The following PLXNA2 variants were observed in gnomAD, a reference collection of about 807,000 sequenced individuals.
The protein encoded by PLXNA2 is plexin-A2.
PLXNA2 carries 91 observed loss-of-function variants against 193.5 expected under a neutral mutation model. The observed-to-expected ratio is 0.47, with a 90% CI of 0.40 to 0.56. PLXNA2 has a LOEUF of 0.56. Among genes scored for constraint, PLXNA2 ranks in the 20% least tolerant of loss-of-function variants. PLXNA2 has a pLI of 0.00. For synonymous variants in PLXNA2, 997 were observed against 1,027.3 expected (o/e 0.97, Z 0.56); for missense variants, 1,995 against 2,503.2 (o/e 0.80, Z 4.33).
chr1:208,099,066 G>A, intron 5 of PLXNA2, 97 bp from the exon 6 acceptor site: 1 of 1,456,776 alleles, frequency 6.9e-7, no homozygotes, highest in Non-Finnish European at 9.3e-7. Flanking sequence ...CTGCCCTGAG[G>A]CCTGTGTCCT....
At chr1:208,066,068 T>C (rs1665786863) in intron 12 of PLXNA2, among the ~76,000 whole-genome samples, 1 of 151,648 alleles carries the variant, frequency 6.6e-6, no homozygotes, top group African/African-American at 2.4e-5. Flanking sequence ...GTGTGTGTGG[T>C]GGGGATGTGG....
chr1:208,030,245 C>T (rs1424008059), intron 29 of PLXNA2: 8 of 985,392 alleles, frequency 8.1e-6, no homozygotes, highest in Non-Finnish European at 9.6e-6. Flanking sequence ...GTAATCTTTC[C>T]CTGGACATTT....
At chr1:208,084,641 G>C in intron 9 of PLXNA2, 61 bp from the exon 10 acceptor site, 10 of 1,494,374 alleles carry the variant, frequency 6.7e-6, no homozygotes, top group East Asian at 2.3e-5. Flanking sequence ...ATGTGCCTGG[G>C]ACAGGCAGGC....
At chr1:208,095,123 CCTTGCTG>C (rs1666839338) in intron 8 of PLXNA2, among the ~76,000 whole-genome samples, 2 of 152,186 alleles carry the variant, frequency 1.3e-5, no homozygotes, top group Non-Finnish European at 2.9e-5. Flanking sequence ...TGACCTCTCC[CCTTGCTG>C]AATGTCTAGG....
chr1:208,138,412 T>C (rs1012701740), intron 4 of PLXNA2, among the ~76,000 whole-genome samples: 4 of 152,226 alleles, frequency 2.6e-5, no homozygotes, highest in African/African-American at 9.6e-5. Flanking sequence ...GTATTAAACA[T>C]GTATTTGACT....
At chr1:208,160,944 C>T (rs1669090144) in intron 3 of PLXNA2, among the ~76,000 whole-genome samples, 1 of 152,234 alleles carries the variant, frequency 6.6e-6, no homozygotes, top group Admixed American at 6.5e-5. Flanking sequence ...ATGAGGGAAT[C>T]ACATCAGGAT....
rs545690816 is a variant in PLXNA2 at position 208,062,407 on chromosome 1, G to A, written c.2587-1570C>T. Among the ~76,000 whole-genome samples the A allele has an allele frequency of 8.5e-5, 13 of 152,326 alleles. No individual in the cohort carries two copies. In the South Asian group the frequency reaches 2.3e-3, roughly 27 times the overall value. The stretch of plus-strand genomic sequence containing the variant: ...CAACCACCAAGTGATAGTGAGCAGA[G>A]AAAAGATGCCTCCTTCCCTCACTGC... On this transcript the variant is annotated intron_variant, in intron 12 of 31. Coordinates refer to ENST00000367033, the MANE Select transcript of PLXNA2 (RefSeq NM_025179.4).
intron 9 of PLXNA2, among the ~76,000 whole-genome samples, chr1:208,090,498 G>T (rs1319750906): frequency 6.6e-6 from 1 of 152,134 alleles, no homozygotes; most frequent in African/African-American, 2.4e-5. Context: ...AGTGACTTCC[G>T]AATGGTGTGA....
At chr1:208,152,159 C>G (rs1485671538) in intron 3 of PLXNA2, among the ~76,000 whole-genome samples, 3 of 152,184 alleles carry the variant, frequency 2.0e-5, no homozygotes, top group African/African-American at 7.2e-5. Context: ...GATGGCATTT[C>G]CAGCTGTAGG....
chr1:208,120,772 T>A (rs192525769), intron 4 of PLXNA2, among the ~76,000 whole-genome samples: 3 of 152,270 alleles, frequency 2.0e-5, no homozygotes, highest in Non-Finnish European at 4.4e-5. Context: ...AGAGACAGAA[T>A]GTTTTTAAGT....
In PLXNA2 at chr1:208,096,669, C is replaced by T. The variant is rs528636664; in HGVS notation, c.1885+61G>A. The T allele has an allele frequency of 5.1e-6, 8 of 1,582,542 alleles. No homozygotes were observed. The East Asian group carries it at 9.0e-5, about 18-fold the overall frequency. On this transcript the variant is annotated intron_variant, in intron 7 of 31. Coordinates refer to ENST00000367033, the MANE Select transcript of PLXNA2 (RefSeq NM_025179.4). ...GACTGTGTGCCTAGTTCTTGTGACC[C>T]CCAGCTCCCTCAGTATAGAGAAGCC... is the stretch of plus-strand genomic sequence containing the variant.
chr1:208,069,858 C>T (rs574121924), intron 12 of PLXNA2, among the ~76,000 whole-genome samples: 5 of 152,316 alleles, frequency 3.3e-5, no homozygotes, highest in South Asian at 2.1e-4. Context: ...GCTGCTTTCA[C>T]GTTTGTTAAG....
At chr1:208,233,695 C>T (rs916101766) in intron 1 of PLXNA2, among the ~76,000 whole-genome samples, 3 of 152,252 alleles carry the variant, frequency 2.0e-5, no homozygotes, top group African/African-American at 7.2e-5. Flanking sequence ...TCCCAGCCAG[C>T]ACAGTTTGCA....
At chr1:208,229,178 A>G (rs764123157) in intron 1 of PLXNA2, among the ~76,000 whole-genome samples, 14 of 152,222 alleles carry the variant, frequency 9.2e-5, no homozygotes, top group Non-Finnish European at 1.5e-4. Flanking sequence ...CTTTCTCTCT[A>G]AAAACTGCTA....
chr1:208,036,904 C>A (rs1664685990), intron 26 of PLXNA2, among the ~76,000 whole-genome samples: 1 of 152,180 alleles, frequency 6.6e-6, no homozygotes, highest in Non-Finnish European at 1.5e-5. Flanking sequence ...AGCAGAAAGA[C>A]CCCACTCCTG....
rs1202843165 is a variant in PLXNA2, at chr1:208,033,472, C to G, written c.4902G>C (p.Leu1634=). 6.2e-7 allele frequency: 1 copy of G among 1,613,010 alleles called. No individual in the cohort carries two copies. The highest frequency in any genetic ancestry group is 8.5e-7 in the Non-Finnish European group (1 of 1,179,316). ...SFRYTGSPDS[L]RSRAPMITPD... is the part of the protein sequence containing the mutation. ...GGGTGATCATCGGGGCCCGGGACCG[C>G]AGGCTGTCGGGGCTGCCCGTATACC... Residue 1634 remains leucine, a synonymous_variant, in exon 28 of 32, where the codon CTG becomes CTC. Coordinates refer to ENST00000367033, the MANE Select transcript of PLXNA2 (RefSeq NM_025179.4).
At chr1:208,167,096 A>G (rs1396413660) in intron 3 of PLXNA2, among the ~76,000 whole-genome samples, 1 of 152,184 alleles carries the variant, frequency 6.6e-6, no homozygotes, top group Non-Finnish European at 1.5e-5. Context: ...GGCAAAGGAA[A>G]TCCATGTATG....
At chr1:208,232,578 T>C (rs767811003) in intron 1 of PLXNA2, among the ~76,000 whole-genome samples, 6 of 152,252 alleles carry the variant, frequency 3.9e-5, no homozygotes, top group South Asian at 2.1e-4. Context: ...CCAACCAAGC[T>C]GATAATAGAC....
intron 4 of PLXNA2, among the ~76,000 whole-genome samples, chr1:208,114,349 C>T (rs79331410): frequency 0.026 from 3,935 of 152,250 alleles, 74 homozygotes; most frequent in Middle Eastern, 0.037. Flanking sequence ...GTTCCCAGGT[C>T]GTCTTTACAT....
Sources: allele counts gnomAD v4.1 joint callset (sites outside exome capture counted in the v4.1 genomes callset), GRCh38; gene constraint gnomAD v4.1.1; transcripts MANE v1.5; gene names NCBI Gene and HGNC (gene_info 2026-07-23, HGNC 2026-07-21).